Variants in LIMK1 observed in about 807,000 individuals in gnomAD.
The protein encoded by LIMK1 is LIM domain kinase 1, also known as LIM motif-containing protein kinase.
In LIMK1, 21 loss-of-function variants were observed where a neutral mutation model predicts 77.6. The ratio of observed to expected loss-of-function variants is 0.27; its 90% CI spans 0.19 to 0.39. LIMK1 has a LOEUF of 0.39. Among genes scored for constraint, LIMK1 ranks in the 10% least tolerant of loss-of-function variants. The pLI is 1.00. For synonymous variants in LIMK1, 358 were observed against 370.0 expected (o/e 0.97, Z 0.37); for missense variants, 696 against 901.6 (o/e 0.77, Z 2.92).
intron 9 of LIMK1, 29 bp downstream of exon 9, chr7:74,107,986 C>A: frequency 2.0e-6 from 3 of 1,479,960 alleles, no homozygotes; most frequent in Non-Finnish European, 1.8e-6. Context: ...CTCTTCCCTC[C>A]AGAGGGACTT....
chr7:74,119,849 A>T (rs1315020450), intron 13 of LIMK1, among the ~76,000 whole-genome samples: 1 of 152,142 alleles, frequency 6.6e-6, no homozygotes, highest in Non-Finnish European at 1.5e-5. Flanking sequence ...CAGAGGTTGC[A>T]GTGAGCCACA....
At chr7:74,119,572 T>C (rs1236318020) in intron 13 of LIMK1, among the ~76,000 whole-genome samples, 1 of 152,010 alleles carries the variant, frequency 6.6e-6, no homozygotes, top group Non-Finnish European at 1.5e-5. Flanking sequence ...GTCAGTTTCC[T>C]GAGGTTGCTG....
At chr7:74,117,083 G>A (rs939666849) in intron 13 of LIMK1, among the ~76,000 whole-genome samples, 1 of 151,968 alleles carries the variant, frequency 6.6e-6, no homozygotes, top group Non-Finnish European at 1.5e-5. Flanking sequence ...GGGTTTCACC[G>A]TGTTAGCCAA....
intron 9 of LIMK1, among the ~76,000 whole-genome samples, chr7:74,108,319 C>T (rs1799624682): frequency 6.6e-6 from 1 of 151,284 alleles, no homozygotes; most frequent in African/African-American, 2.4e-5. Context: ...GCCTGGGGAA[C>T]AAGGCAAGAC....
intron 5 of LIMK1, among the ~76,000 whole-genome samples, chr7:74,105,670 T>C (rs1799553503): frequency 6.6e-6 from 1 of 152,168 alleles, no homozygotes; most frequent in African/African-American, 2.4e-5. Flanking sequence ...TTTCTCCAGC[T>C]CACACCTGTG....
rs1799634676 is a variant in LIMK1, at chr7:74,108,754, A to G, written c.1153-151A>G. On this transcript the variant is annotated intron_variant, in intron 9 of 15. Transcript: ENST00000336180. ...GCTCAAGCAGAGGGCACAGGACGCC[A>G]GAGGGTGTGGCAGAGGCAGGAGAGG... 4 of 1,277,392 alleles carry G rather than the reference A, an allele frequency of 3.1e-6. No individual in the cohort carries two copies. The African/African-American group carries it at 4.5e-5, about 14-fold the overall frequency. The allele number at this position is 1,277,392 out of a possible 1,614,324, so 79.1% of individuals were successfully genotyped here. A position where few individuals can be genotyped will look rare whatever the true frequency, so the allele number is the denominator to read the frequency against.
chr7:74,107,921 G>C lies in LIMK1; in HGVS notation c.1116G>C (p.Arg372=). 6.3e-7 allele frequency: 1 copy of C among 1,577,144 alleles called. No homozygotes were observed. The change falls in exon 9 of 16, where the codon CGG becomes CGC. Residue 372 remains arginine, a synonymous_variant. Transcript: ENST00000336180. ...GEVMVMKELI[R]FDEETQRTFL... is the part of the protein sequence containing the mutation. ...TGATGGTGATGAAGGAGCTGATCCG[G>C]TTCGACGAGGAGACCCAGAGGACGT...
Position 74,099,269 on chromosome 7 carries a change from G to A in LIMK1, c.608+31G>A, listed in dbSNP as rs529365882. 614 of 1,594,480 alleles carry A rather than the reference G, an allele frequency of 3.9e-4. 8 individuals carry two copies. Among genetic ancestry groups the A allele is most frequent in the South Asian group, 2.5e-3 (229 of 90,832 alleles). On this transcript the variant is annotated intron_variant, in intron 5 of 15. Transcript: ENST00000336180. ...TGGCCGGCCTGCCGAGGCTGCCGTCGGTGTGGCTATGGCTGTTGATGTGGG... is the reference window on the plus strand; with the variant it reads ...TGGCCGGCCTGCCGAGGCTGCCGTCAGTGTGGCTATGGCTGTTGATGTGGG...
At chr7:74,089,878 G>A (rs1554694545) in intron 2 of LIMK1, among the ~76,000 whole-genome samples, 2 of 152,070 alleles carry the variant, frequency 1.3e-5, no homozygotes, top group Non-Finnish European at 1.5e-5. Context: ...CTGTGTCTGC[G>A]GTGAGGGGGG....
rs781864975 is a variant in LIMK1 at position 74,107,939 on chromosome 7, G to A, written c.1134G>A (p.Gln378=). 22 of 1,570,394 alleles carry A rather than the reference G, an allele frequency of 1.4e-5. No homozygotes were observed. In the African/African-American group the frequency reaches 1.5e-4, roughly 11 times the overall value. ...KELIRFDEET[Q]RTFLKEVKVM... ...TGATCCGGTTCGACGAGGAGACCCA[G>A]AGGACGTTCCTCAAGGAGGTCAGTG... is the stretch of plus-strand genomic sequence containing the variant. The change falls in exon 9 of 16, where the codon CAG becomes CAA. Residue 378 remains glutamine (Q), a synonymous_variant. Coordinates refer to ENST00000336180, the MANE Select transcript of LIMK1 (RefSeq NM_002314.4).
At chr7:74,098,147 C>G (rs1554695979) in intron 4 of LIMK1, among the ~76,000 whole-genome samples, 1 of 152,132 alleles carries the variant, frequency 6.6e-6, no homozygotes, top group Non-Finnish European at 1.5e-5. Context: ...CTCTAGCCCC[C>G]GTTCTTGGAG....
rs534233728 is a variant in LIMK1, at chr7:74,107,104, G to C, written c.976G>C (p.Val326Leu). Reference sequence around the variant, plus strand: ...CCTGGGTCGCTCTGAGTCCCTCCGCGTAGTCTGCCGGCCACACCGCATCTT... The same window carrying C: ...CCTGGGTCGCTCTGAGTCCCTCCGCCTAGTCTGCCGGCCACACCGCATCTT... ...KDLGRSESLR[V>L]VCRPHRIFRP... Residue 326 changes from valine (V) to leucine (L), a missense_variant, in exon 8 of 16, where the codon GTA becomes CTA. Physicochemically the swap from Val to Leu is conservative, Grantham distance 32 (BLOSUM62 1). This residue lies in a region of LIMK1 where 438 missense variants were observed against 602.3 expected (regional missense o/e 0.73). Transcript: ENST00000336180. The C allele has an allele frequency of 4.2e-5, 68 of 1,612,372 alleles. No individual in the cohort carries two copies. The highest frequency in any genetic ancestry group is 6.7e-5 in the African/African-American group (5 of 74,934).
At chr7:74,096,477 G>A (rs1207956303) in intron 2 of LIMK1, 145 bp from the exon 3 acceptor site, 18 of 1,049,218 alleles carry the variant, frequency 1.7e-5, no homozygotes, top group Non-Finnish European at 9.5e-6. Flanking sequence ...CTGCAGCCTG[G>A]CGACAGAGCA....
chr7:74,107,679 C>CA lies in LIMK1; in HGVS notation c.1066-175dup, dbSNP rs11321792. On this transcript the variant is annotated intron_variant, in intron 8 of 15. Transcript: ENST00000336180. The stretch of plus-strand genomic sequence containing the variant: ...TGGGCAATAGAGCAAGACCCCATCT[C>CA]AAAAAAAAAAAAAAAAAGACAAGGG... Among the ~76,000 whole-genome samples the CA allele has an allele frequency of 4.0e-3, 502 of 126,486 alleles. 2 individuals are homozygous for CA. The highest frequency in any genetic ancestry group is 0.014 in the African/African-American group (462 of 32,892). 83.0% of individuals were successfully genotyped at this position (126,486 alleles called of 152,430 possible). A position where few individuals can be genotyped will look rare whatever the true frequency, so the allele number is the denominator to read the frequency against.
chr7:74,094,650 AC>A (rs1331156351), intron 2 of LIMK1, among the ~76,000 whole-genome samples: 1 of 151,914 alleles, frequency 6.6e-6, no homozygotes, highest in Non-Finnish European at 1.5e-5. Context: ...CGGCTGCAGC[AC>A]TCCTTTCCCT....
rs572459814 is a variant in LIMK1 at position 74,109,098 on chromosome 7, G to A, written c.1284+62G>A. On this transcript the variant is annotated intron_variant, in intron 10 of 15. Coordinates refer to ENST00000336180, the MANE Select transcript of LIMK1 (RefSeq NM_002314.4). ...GGCCCCGGGCAAAGCAGCTCCCTCT[G>A]TGAGCCTCAGTCTCATCTCTTCAAT... is the stretch of plus-strand genomic sequence containing the variant. 128 of 1,303,252 alleles carry A rather than the reference G, an allele frequency of 9.8e-5. 2 individuals are homozygous for A. In the South Asian group the frequency reaches 1.5e-3, roughly 16 times the overall value. 80.7% of individuals were successfully genotyped at this position (1,303,252 alleles called of 1,614,324 possible).
rs782256257 is a variant in LIMK1 at position 74,107,113 on chromosome 7, C to T, written c.985C>T (p.Arg329Trp). 11 of 1,612,804 alleles carry T rather than the reference C, an allele frequency of 6.8e-6. No individual in the cohort carries two copies. The highest frequency in any genetic ancestry group is 3.3e-5 in the South Asian group (3 of 90,922). The change falls in exon 8 of 16, where the codon CGG becomes TGG. Residue 329 changes from arginine to tryptophan, a missense_variant. Arg to Trp is a moderately radical substitution (Grantham distance 101). Around this residue, in one of 3 missense-constraint regions of LIMK1, gnomAD observed 438 missense variants for 602.3 expected, o/e 0.73. Transcript: ENST00000336180. ...CTCTGAGTCCCTCCGCGTAGTCTGC[C>T]GGCCACACCGCATCTTCCGGCCGTC... ...GRSESLRVVC[R>W]PHRIFRPSDL...
Position 74,121,791 on chromosome 7 carries a change from T to G in LIMK1, c.*490T>G, listed in dbSNP as rs1207873125. 1 of 155,190 alleles carries G rather than the reference T, an allele frequency of 6.4e-6. No individual in the cohort carries two copies. Among genetic ancestry groups the G allele is most frequent in the Non-Finnish European group, 1.4e-5 (1 of 70,430 alleles). 9.6% of individuals were successfully genotyped at this position (155,190 alleles called of 1,614,324 possible). On this transcript the variant is annotated 3_prime_UTR_variant, in exon 16 of 16. Transcript: ENST00000336180. ...GTGTTCCCAGGAACCAAATGGGGAG[T>G]CTGGGGCCCGTTTTCCCCCCAGGGG... is the stretch of plus-strand genomic sequence containing the variant.
At chr7:74,087,695 TTC>T (rs1799159061) in intron 2 of LIMK1, among the ~76,000 whole-genome samples, 1 of 152,024 alleles carries the variant, frequency 6.6e-6, no homozygotes, top group Non-Finnish European at 1.5e-5. Context: ...GTTCAAGCGA[TTC>T]TCCTGCTTCA....
Sources: allele counts gnomAD v4.1 joint callset (sites outside exome capture counted in the v4.1 genomes callset), GRCh38; gene constraint gnomAD v4.1.1; regional missense constraint gnomAD v4.1.1; transcripts MANE v1.5; gene names NCBI Gene and HGNC (gene_info 2026-07-23, HGNC 2026-07-21).